PAM: variants seen among roughly 807,000 people sequenced by gnomAD.
The protein encoded by PAM is peptidylglycine alpha-amidating monooxygenase.
PAM carries 72 observed loss-of-function variants against 122.1 expected under a neutral mutation model. That is an observed-to-expected ratio of 0.59 (90% confidence interval 0.49 to 0.72). PAM has a LOEUF of 0.72. PAM is among the 30% of genes least tolerant of loss of function. PAM has a pLI of 0.00. For synonymous variants in PAM, 389 were observed against 404.4 expected (o/e 0.96, Z 0.46); for missense variants, 1,106 against 1,183.7 (o/e 0.93, Z 0.96).
At chr5:102,966,237 C>T (rs528908699) in intron 14 of PAM, among the ~76,000 whole-genome samples, 1 of 151,928 alleles carries the variant, frequency 6.6e-6, no homozygotes, top group Non-Finnish European at 1.5e-5. Context: ...TTCTAAATAC[C>T]CCCCAAGGCT....
At chr5:102,927,052 A>G (rs1375704593) in intron 7 of PAM, among the ~76,000 whole-genome samples, 2 of 152,026 alleles carry the variant, frequency 1.3e-5, no homozygotes, top group East Asian at 3.9e-4. Flanking sequence ...CCGAGAGTCT[A>G]TAGGTTCTGC....
chr5:102,836,897 A>AGAGAGAGAGAGAGAGAGG (rs757331974), intron 1 of PAM, among the ~76,000 whole-genome samples: 3 of 146,544 alleles, frequency 2.0e-5, no homozygotes, highest in African/African-American at 7.4e-5. Context: ...AGAGAGAGAG[A>AGAGAGAGAGAGAGAGAGG]GGTGCAAAAT....
intron 1 of PAM, among the ~76,000 whole-genome samples, chr5:102,821,590 C>A (rs960887176): frequency 1.3e-5 from 2 of 152,144 alleles, no homozygotes; most frequent in Non-Finnish European, 2.9e-5. Flanking sequence ...TGGTTAATAA[C>A]CAACATTTAT....
chr5:102,921,250 T>C (rs1747351166), intron 5 of PAM, among the ~76,000 whole-genome samples: 1 of 152,108 alleles, frequency 6.6e-6, no homozygotes, highest in African/African-American at 2.4e-5. Context: ...GATCAAGAGT[T>C]ACATTGCTTC....
At chr5:102,945,832 T>G (rs1206235463) in intron 7 of PAM, among the ~76,000 whole-genome samples, 1 of 152,210 alleles carries the variant, frequency 6.6e-6, no homozygotes, top group Non-Finnish European at 1.5e-5. Context: ...GCATCAATTT[T>G]TATTGCAATA....
intron 21 of PAM, among the ~76,000 whole-genome samples, chr5:103,016,467 C>T (rs1286363199): frequency 6.6e-6 from 1 of 152,198 alleles, no homozygotes; most frequent in Admixed American, 6.5e-5. Context: ...ATCCTGCCAA[C>T]TGCCAGACCC....
Position 103,029,531 on chromosome 5 carries a change from T to A in PAM, c.*466T>A, listed in dbSNP as rs192906632. The A allele has an allele frequency of 1.8e-4, 27 of 153,084 alleles. No individual in the cohort carries two copies. The highest frequency in any genetic ancestry group is 6.5e-4 in the Admixed American group (10 of 15,304). 9.5% of individuals were successfully genotyped at this position (153,084 alleles called of 1,614,324 possible). A position where few individuals can be genotyped will look rare whatever the true frequency, so the allele number is the denominator to read the frequency against. On this transcript the variant is annotated 3_prime_UTR_variant, in exon 26 of 26. Coordinates refer to ENST00000438793, the MANE Select transcript of PAM (RefSeq NM_001177306.2). ...GACGACAAAGCTGCTAAATCTCCTA[T>A]TTTTTTAAAATCACTAACATTATAT...
In PAM at chr5:102,950,074, A is replaced by T; in HGVS notation, c.801+96A>T. 11 of 727,264 alleles carry T rather than the reference A, an allele frequency of 1.5e-5. No homozygotes were observed. The South Asian group carries it at 1.6e-4, about 11-fold the overall frequency. 45.1% of individuals were successfully genotyped at this position (727,264 alleles called of 1,614,324 possible). ...TATGCAACTCTTGTGAATTTCTCTA[A>T]AAATCTCTAAATCTGCCTTAACTGT... On this transcript the variant is annotated intron_variant, in intron 11 of 25. Coordinates refer to ENST00000438793, the MANE Select transcript of PAM (RefSeq NM_001177306.2).
In PAM at chr5:102,914,008, A is replaced by G; in HGVS notation, c.343A>G (p.Thr115Ala). ...TTTTGGATGCAATATGCCTTCATCC[A>G]CTGGAAGTTACTGGTAAGGATAATG... The part of the protein sequence containing the change: ...LLFGCNMPSS[T>A]GSYWFCDEGT... The change falls in exon 5 of 26, where the codon ACT becomes GCT. Residue 115 changes from threonine (T) to alanine (A), a missense_variant. Coordinates refer to ENST00000438793, the MANE Select transcript of PAM (RefSeq NM_001177306.2). 1.3e-6 allele frequency: 2 copies of G among 1,550,596 alleles called. No individual in the cohort carries two copies. The highest frequency in any genetic ancestry group is 1.8e-6 in the Non-Finnish European group (2 of 1,122,310).
chr5:102,914,246 T>C (rs936392191), intron 5 of PAM, among the ~76,000 whole-genome samples: 3 of 151,984 alleles, frequency 2.0e-5, no homozygotes, highest in African/African-American at 7.2e-5. Flanking sequence ...TAAATATATG[T>C]CTCATGGACA....
intron 3 of PAM, among the ~76,000 whole-genome samples, chr5:102,884,738 C>T (rs369252112): frequency 6.6e-6 from 1 of 151,838 alleles, no homozygotes; most frequent in Non-Finnish European, 1.5e-5. Context: ...TTTTTCAAGG[C>T]ACAGATTGCT....
At chr5:102,776,744 C>G (rs1757273545) in intron 1 of PAM, among the ~76,000 whole-genome samples, 1 of 152,044 alleles carries the variant, frequency 6.6e-6, no homozygotes, top group Non-Finnish European at 1.5e-5. Context: ...TGCAGAAGAT[C>G]TCTGGAACCC....
At chr5:102,883,124 C>T (rs1316475576) in intron 3 of PAM, among the ~76,000 whole-genome samples, 1 of 151,600 alleles carries the variant, frequency 6.6e-6, no homozygotes, top group African/African-American at 2.4e-5. Context: ...AGTACGGCCT[C>T]ATAGTATAGT....
At chr5:102,988,705 GAGAAAGAAAGA>G (rs1562152203) in intron 15 of PAM, among the ~76,000 whole-genome samples, 974 of 82,746 alleles carry the variant, frequency 0.012, 9 homozygotes, top group Non-Finnish European at 0.025. Flanking sequence ...GAAAGAGAAA[GAGAAAGAAAGA>G]AAAGAAAAAA....
At chr5:102,860,233 T>C (rs573990587) in intron 1 of PAM, among the ~76,000 whole-genome samples, 3 of 152,236 alleles carry the variant, frequency 2.0e-5, no homozygotes, top group African/African-American at 7.2e-5. Context: ...ATGGGGTTGG[T>C]GACCTGGCAT....
At chr5:102,758,427 T>G (rs544328918) in intron 1 of PAM, among the ~76,000 whole-genome samples, 1 of 152,240 alleles carries the variant, frequency 6.6e-6, no homozygotes, top group Non-Finnish European at 1.5e-5. Flanking sequence ...TCCTTCTTAC[T>G]GCCCTGGAAG....
intron 5 of PAM, among the ~76,000 whole-genome samples, chr5:102,915,679 T>G (rs1802896311): frequency 2.0e-5 from 3 of 152,158 alleles, no homozygotes; most frequent in Admixed American, 2.0e-4. Flanking sequence ...TTGGACTCAT[T>G]GAAAATAGCT....
At chr5:102,852,921 G>A (rs187688086) in intron 1 of PAM, among the ~76,000 whole-genome samples, 4 of 152,198 alleles carry the variant, frequency 2.6e-5, no homozygotes, top group Admixed American at 2.0e-4. Flanking sequence ...TTTCTTGTCC[G>A]TATTTCTCTA....
chr5:102,905,240 C>A (rs1799183048), intron 4 of PAM, among the ~76,000 whole-genome samples: 1 of 151,548 alleles, frequency 6.6e-6, no homozygotes, highest in South Asian at 2.1e-4. Context: ...GCAGCCCACT[C>A]AGCCAAGAAA....
Sources: allele counts gnomAD v4.1 joint callset (sites outside exome capture counted in the v4.1 genomes callset), GRCh38; gene constraint gnomAD v4.1.1; transcripts MANE v1.5; gene names NCBI Gene and HGNC (gene_info 2026-07-23, HGNC 2026-07-21).